Variants in KLK13 observed in about 807,000 individuals in gnomAD.
KLK13 encodes the protein kallikrein-13.
Under a neutral mutation model 22.4 loss-of-function variants are expected in KLK13, and 19 were observed. The ratio of observed to expected loss-of-function variants is 0.85; its 90% CI spans 0.59 to 1.24. KLK13 has a LOEUF of 1.24. KLK13 is among the 50% of genes most tolerant of loss of function. KLK13 has a pLI of 0.00. For synonymous variants in KLK13, 156 were observed against 141.8 expected, an observed-to-expected ratio of 1.10 and a Z score of -0.71; for missense variants, 311 against 347.9, an observed-to-expected ratio of 0.89 and a Z score of 0.84.
chr19:51,060,659 G>A (rs753948615), intron 1 of KLK13, 40 bp from the exon 2 acceptor site: 1 of 1,510,496 alleles, frequency 6.6e-7, no homozygotes, highest in South Asian at 1.2e-5. Context: ...TGGGATCCAG[G>A]GGGCAGAGGA....
At chr19:51,059,475 A>T (rs1394918408) in intron 3 of KLK13, among the ~76,000 whole-genome samples, 1 of 146,092 alleles carries the variant, frequency 6.8e-6, no homozygotes, top group African/African-American at 2.5e-5. Context: ...ATACATATTT[A>T]AAATACATAA....
intron 4 of KLK13, 37 bp downstream of exon 4, chr19:51,058,501 A>G (rs764478688): frequency 1.2e-6 from 2 of 1,612,800 alleles, no homozygotes; most frequent in Non-Finnish European, 1.7e-6. Flanking sequence ...CTGGCTTTCT[A>G]TCCTGTCCAA....
At chr19:51,057,366 T>C (rs1041487423) in intron 4 of KLK13, among the ~76,000 whole-genome samples, 61 of 152,340 alleles carry the variant, frequency 4.0e-4, no homozygotes, top group African/African-American at 1.2e-3. Context: ...TGAAGGCTAT[T>C]TTTTGCTCAT....
chr19:51,060,651 G>T, intron 1 of KLK13, 32 bp from the exon 2 acceptor site: 1 of 1,534,174 alleles, frequency 6.5e-7, no homozygotes, highest in Non-Finnish European at 8.9e-7. Context: ...TAGAAAACTG[G>T]GATCCAGGGG....
chr19:51,059,294 TA>T (rs1183038251), intron 3 of KLK13, among the ~76,000 whole-genome samples: 1 of 149,518 alleles, frequency 6.7e-6, no homozygotes, highest in East Asian at 1.9e-4. Context: ...TTTAATATAT[TA>T]AACATTTTAT....
Position 51,056,688 on chromosome 19 carries a change from GC to G in KLK13, c.732del (p.Pro245LeufsTer29), listed in dbSNP as rs755382615. On this transcript the variant is annotated frameshift_variant, in exon 5 of 5. Transcript: ENST00000595793. LOFTEE classifies it low-confidence loss of function (END_TRUNC). Reference protein sequence around the residue: ...WGDFPCGQPDRPGVYTRVSRY... With the variant: ...WGDFPCGQPDXPGVYTRVSRY... The stretch of plus-strand genomic sequence containing the variant: ...CTTGAGACACGGGTGTAGACACCAG[GC>G]CGGTCAGGTTGCCCACATGGGAAGT... 2.4e-5 allele frequency: 38 copies of G among 1,614,064 alleles called. No individual in the cohort carries two copies. The highest frequency in any genetic ancestry group is 3.1e-5 in the Non-Finnish European group (37 of 1,180,024).
In KLK13 at chr19:51,060,550, G is replaced by C; in HGVS notation, c.122C>G (p.Thr41Ser). The change falls in exon 2 of 5, where the codon ACC (threonine) becomes AGC (serine). Residue 41 changes from threonine (T) to serine (S), a missense_variant. Transcript: ENST00000595793. ...GTSGFLPGGY[T>S]CFPHSQPWQA... ...CCAGGGCTGAGAGTGGGGGAAGCAGGTGTAGCCACCTGGGAGAAACCCACT... is the reference window on the plus strand; with the variant it reads ...CCAGGGCTGAGAGTGGGGGAAGCAGCTGTAGCCACCTGGGAGAAACCCACT... The C allele has an allele frequency of 6.2e-7, 1 of 1,613,914 alleles. No individual in the cohort carries two copies. The highest frequency in any genetic ancestry group is 8.5e-7 in the Non-Finnish European group (1 of 1,179,862).
chr19:51,064,897 C>T (rs2091766980), intron 1 of KLK13, 119 bp downstream of exon 1: 2 of 818,002 alleles, frequency 2.4e-6, no homozygotes, highest in South Asian at 1.8e-5. Context: ...CCCACTGGAC[C>T]CGGCCCCGAG....
chr19:51,059,163 AG>A (rs1467333063), intron 3 of KLK13, among the ~76,000 whole-genome samples: 4 of 151,992 alleles, frequency 2.6e-5, no homozygotes, highest in African/African-American at 9.7e-5. Flanking sequence ...GGAGATGCAA[AG>A]GGCTCTTGTC....
chr19:51,065,091 G>GC lies in KLK13; in HGVS notation c.-25dup. ...ATGGCTCCGGGATCGGGAGGGGAGG[G>GC]CAGGGCGGGCGGGGCCTGAGGAGAA... On this transcript the variant is annotated 5_prime_UTR_variant, in exon 1 of 5. Coordinates refer to ENST00000595793, the MANE Select transcript of KLK13 (RefSeq NM_015596.3). 1 of 1,240,768 alleles carries GC rather than the reference G, an allele frequency of 8.1e-7. No homozygotes were observed. The highest frequency in any genetic ancestry group is 1.1e-6 in the Non-Finnish European group (1 of 882,314). The allele number at this position is 1,240,768 out of a possible 1,614,324, so 76.9% of individuals were successfully genotyped here.
At chr19:51,059,708 T>C (rs1363535663) in intron 3 of KLK13, 117 bp downstream of exon 3, 2 of 606,006 alleles carry the variant, frequency 3.3e-6, no homozygotes, top group African/African-American at 3.9e-5. Flanking sequence ...TATATATTTA[T>C]TTACTTATTT....
chr19:51,060,324 G>T (rs1599785633), intron 2 of KLK13, 109 bp downstream of exon 2: 1 of 1,221,164 alleles, frequency 8.2e-7, no homozygotes, highest in Non-Finnish European at 1.1e-6. Flanking sequence ...TCACTCCCAT[G>T]TCCATCCCCA....
intron 4 of KLK13, 92 bp from the exon 5 acceptor site, chr19:51,056,867 G>A (rs981371411): frequency 6.5e-6 from 6 of 921,856 alleles, no homozygotes; most frequent in African/African-American, 1.6e-5. Context: ...AGTGAAAGAT[G>A]GAGAGAGACA....
upstream of KLK13, chr19:51,065,254 G>T: frequency 1.9e-6 from 1 of 519,878 alleles, no homozygotes; most frequent in Non-Finnish European, 3.4e-6. Context: ...ATCCTTGGTG[G>T]GGGTGCAGTG....
chr19:51,056,511 A>G lies in KLK13; in HGVS notation c.*76T>C, dbSNP rs1018455480. ...TGGTTCAAATGGAACACTGGGAATA[A>G]GGAGCAGAGAAGGGCTAAGCAGACC... On this transcript the variant is annotated 3_prime_UTR_variant, in exon 5 of 5. Transcript: ENST00000595793. 11 of 1,378,178 alleles carry G rather than the reference A, an allele frequency of 8.0e-6. No homozygotes were observed. The highest frequency in any genetic ancestry group is 1.3e-5 in the South Asian group (1 of 78,534). 85.4% of individuals were successfully genotyped at this position (1,378,178 alleles called of 1,614,324 possible). A position where few individuals can be genotyped will look rare whatever the true frequency, so the allele number is the denominator to read the frequency against.
rs2091676204 is a variant in KLK13 at position 51,056,486 on chromosome 19, T to C, written c.*101A>G. 5 of 1,208,172 alleles carry C rather than the reference T, an allele frequency of 4.1e-6. No homozygotes were observed. Among genetic ancestry groups the C allele is most frequent in the Non-Finnish European group, 6.0e-6 (5 of 838,030 alleles). The allele number at this position is 1,208,172 out of a possible 1,614,324, so 74.8% of individuals were successfully genotyped here. A position where few individuals can be genotyped will look rare whatever the true frequency, so the allele number is the denominator to read the frequency against. ...GAGCATTTTTCAGGACATGGATCACTGGTTCAAATGGAACACTGGGAATAA... is the reference window on the plus strand; with the variant it reads ...GAGCATTTTTCAGGACATGGATCACCGGTTCAAATGGAACACTGGGAATAA... On this transcript the variant is annotated 3_prime_UTR_variant, in exon 5 of 5. Coordinates refer to ENST00000595793, the MANE Select transcript of KLK13 (RefSeq NM_015596.3).
chr19:51,063,453 G>T, intron 1 of KLK13: 1 of 343,164 alleles, frequency 2.9e-6, no homozygotes, highest in South Asian at 2.2e-5. Flanking sequence ...CTCAAGTCCA[G>T]GATATGGACA....
chr19:51,064,962 C>T, intron 1 of KLK13, 54 bp downstream of exon 1: 8 of 1,494,834 alleles, frequency 5.4e-6, no homozygotes, highest in Non-Finnish European at 5.5e-6. Context: ...CGGCCTGACC[C>T]CTCCTACCAT....
chr19:51,062,900 G>A (rs2091743255), intron 1 of KLK13, among the ~76,000 whole-genome samples: 1 of 152,186 alleles, frequency 6.6e-6, no homozygotes. Context: ...AGGGCAAGCA[G>A]TTGGATTAGC....
Sources: gnomAD v4.1 joint callset for allele counts (sites outside exome capture counted in the v4.1 genomes callset) on GRCh38, gnomAD v4.1.1 for gene constraint, MANE v1.5 for transcripts, NCBI Gene and HGNC (gene_info 2026-07-23, HGNC 2026-07-21) for gene names.